The following KCTD1 variants were observed in gnomAD, a reference collection of about 807,000 sequenced individuals.
KCTD1 encodes BTB/POZ domain-containing protein KCTD1.
KCTD1 carries 24 observed loss-of-function variants against 66.0 expected under a neutral mutation model. The ratio of observed to expected loss-of-function variants is 0.36; its 90% CI spans 0.26 to 0.51. The LOEUF (loss-of-function observed/expected upper bound fraction) is 0.51. Ranked by LOEUF, KCTD1 falls within the 20% of genes least tolerant of loss-of-function variation. The pLI is 0.95. For missense variants in KCTD1, 943 were observed against 1,205.2 expected, an observed-to-expected ratio of 0.78 and a Z score of 3.22; for synonymous variants, 511 against 517.2, an observed-to-expected ratio of 0.99 and a Z score of 0.16.
At chr18:26,493,010 A>G (rs565216803) in intron 2 of KCTD1, among the ~76,000 whole-genome samples, 1 of 152,162 alleles carries the variant, frequency 6.6e-6, no homozygotes, top group Non-Finnish European at 1.5e-5. Context: ...TTACCCAATC[A>G]TTAATTTATA....
intron 1 of KCTD1, among the ~76,000 whole-genome samples, chr18:26,626,164 A>ACC (rs1235256736): frequency 9.1e-5 from 13 of 143,522 alleles, no homozygotes; most frequent in South Asian, 8.7e-4. Context: ...CAAAAAAAAA[A>ACC]ACAAAAAAAA....
chr18:26,540,138 A>G (rs1170056311), intron 1 of KCTD1, among the ~76,000 whole-genome samples: 2 of 152,192 alleles, frequency 1.3e-5, no homozygotes, highest in Non-Finnish European at 2.9e-5. Flanking sequence ...AACTGGGTTA[A>G]ACCGGACTAG....
intron 1 of KCTD1, chr18:26,566,652 A>G (rs758065656): frequency 9.2e-5 from 14 of 152,152 alleles, no homozygotes; most frequent in African/African-American, 3.4e-4. Context: ...GAGCATCTGC[A>G]TGAACATTCT....
chr18:26,485,872 G>T (rs913642652), intron 2 of KCTD1, among the ~76,000 whole-genome samples: 1 of 151,622 alleles, frequency 6.6e-6, no homozygotes, highest in African/African-American at 2.4e-5. Flanking sequence ...TGTTAAAATA[G>T]CTAACATGTA....
chr18:26,657,341 C>T (rs1249343974), intron 1 of KCTD1: 6 of 985,290 alleles, frequency 6.1e-6, no homozygotes, highest in Non-Finnish European at 7.2e-6. Context: ...AATAACAAAC[C>T]CAAACCGTCA....
Position 26,570,191 on chromosome 18 carries a change from A to ATATATATAT in KCTD1, c.-16+58955_-16+58956insATATATATA, listed in dbSNP as rs1555643816. 2.6e-3 allele frequency among the ~76,000 whole-genome samples: 347 copies of ATATATATAT among 132,530 alleles called. 3 individuals are homozygous for ATATATATAT. Among genetic ancestry groups the ATATATATAT allele is most frequent in the East Asian group, 0.012 (48 of 4,100 alleles). 86.9% of individuals were successfully genotyped at this position (132,530 alleles called of 152,430 possible). A position where few individuals can be genotyped will look rare whatever the true frequency, so the allele number is the denominator to read the frequency against. On this transcript the variant is annotated intron_variant, in intron 1 of 4. Transcript: ENST00000317932. ...ACAGAGCAAGACTCCATCTAAAAAA[A>ATATATATAT]ATATATATATATATATATATATATG...
In KCTD1 at chr18:26,575,902, T is replaced by A. The variant is rs1315023369; in HGVS notation, c.-16+53245A>T. Among the ~76,000 whole-genome samples the A allele has an allele frequency of 2.0e-5, 3 of 152,208 alleles. No homozygotes were observed. In the East Asian group the frequency reaches 5.8e-4, roughly 29 times the overall value. ...GCTTTAAGTGTCAGCTACGACGATATTCGGTGTTATTTTGCTATTAGCATG... is the reference window on the plus strand; with the variant it reads ...GCTTTAAGTGTCAGCTACGACGATAATCGGTGTTATTTTGCTATTAGCATG... On this transcript the variant is annotated intron_variant, in intron 1 of 4. Coordinates refer to the KCTD1 transcript ENST00000317932.
At chr18:26,494,035 T>C (rs1982342867) in intron 2 of KCTD1, among the ~76,000 whole-genome samples, 1 of 152,208 alleles carries the variant, frequency 6.6e-6, no homozygotes, top group East Asian at 1.9e-4. Flanking sequence ...TAACTATTTA[T>C]GCATTGGCAG....
In KCTD1 at chr18:26,600,128, A is replaced by T. The variant is rs1362744564; in HGVS notation, c.-16+29019T>A. 10 of 1,609,796 alleles carry T rather than the reference A, an allele frequency of 6.2e-6. No individual in the cohort carries two copies. In the Admixed American group the frequency reaches 1.2e-4, roughly 19 times the overall value. On this transcript the variant is annotated intron_variant, in intron 1 of 4. Transcript: ENST00000317932. ...GCTGCTTCTTGTGGGGAAGGGAAAA[A>T]GAGGAAGGCCTGTAAGAACTGCACC...
chr18:26,507,464 G>C (rs1206318434), intron 1 of KCTD1, among the ~76,000 whole-genome samples: 1 of 152,126 alleles, frequency 6.6e-6, no homozygotes, highest in Non-Finnish European at 1.5e-5. Context: ...TGAGCTCCTG[G>C]GGTCAAGCGA....
At chr18:26,512,199 G>A (rs1435527502) in intron 1 of KCTD1, among the ~76,000 whole-genome samples, 1 of 151,970 alleles carries the variant, frequency 6.6e-6, no homozygotes, top group African/African-American at 2.4e-5. Context: ...TGCCTCCTGG[G>A]TTCAAGCAAT....
At chr18:26,652,652 T>C (rs1988058160) in intron 1 of KCTD1, among the ~76,000 whole-genome samples, 1 of 152,170 alleles carries the variant, frequency 6.6e-6, no homozygotes. Flanking sequence ...AGGAAAAGCA[T>C]TTTGGATAAC....
At chr18:26,537,820 T>C (rs1223239561) in intron 1 of KCTD1, among the ~76,000 whole-genome samples, 1 of 152,244 alleles carries the variant, frequency 6.6e-6, no homozygotes, top group Non-Finnish European at 1.5e-5. Context: ...AAATAAAATT[T>C]AATCTCTTTT....
chr18:26,518,303 AT>A lies in KCTD1; in HGVS notation c.1810-17054del, dbSNP rs879416574. On this transcript the variant is annotated intron_variant, in intron 1 of 4. Coordinates refer to ENST00000580059, the MANE Select transcript of KCTD1 (RefSeq NM_001142730.3). ...CTAATTTGAAAAATGCAAAGCTATAATTTTTTTTTTTTTGAGACAGAGTCTC... is the reference window on the plus strand; with the variant it reads ...CTAATTTGAAAAATGCAAAGCTATAATTTTTTTTTTTTGAGACAGAGTCTC... 5.3e-3 allele frequency among the ~76,000 whole-genome samples: 781 copies of A among 147,250 alleles called. 3 individuals carry two copies. Among genetic ancestry groups the A allele is most frequent in the Admixed American group, 9.7e-3 (143 of 14,764 alleles).
At chr18:26,528,443 G>A (rs2144767794) in intron 1 of KCTD1, among the ~76,000 whole-genome samples, 1 of 152,274 alleles carries the variant, frequency 6.6e-6, no homozygotes, top group South Asian at 2.1e-4. Flanking sequence ...TCAGGATCCT[G>A]CCATGCCTAT....
intron 1 of KCTD1, among the ~76,000 whole-genome samples, chr18:26,570,291 G>C (rs78480691): frequency 0.022 from 3,264 of 151,470 alleles, 89 homozygotes; most frequent in African/African-American, 0.064. Context: ...TTGGAAAAAG[G>C]CTTCTCATTG....
At chr18:26,469,730 T>C (rs896522407) in intron 3 of KCTD1, among the ~76,000 whole-genome samples, 1 of 152,210 alleles carries the variant, frequency 6.6e-6, no homozygotes, top group Non-Finnish European at 1.5e-5. Context: ...CCTATTCATA[T>C]TTAGATTGTG....
In KCTD1 at chr18:26,573,027, C is replaced by G. The variant is rs1005626505; in HGVS notation, c.-16+56120G>C. Among the ~76,000 whole-genome samples the G allele has an allele frequency of 2.0e-4, 31 of 151,920 alleles. 1 individual carries two copies. Among genetic ancestry groups the G allele is most frequent in the Middle Eastern group, 3.4e-3 (1 of 292 alleles). ...CCTACAGACTCAATAACCACCCCCC[C>G]CTTTTTTTTTTTGAGACAGAGTCTC... On this transcript the variant is annotated intron_variant, in intron 1 of 4. Transcript: ENST00000317932.
chr18:26,596,326 T>TA (rs906841354), intron 1 of KCTD1, among the ~76,000 whole-genome samples: 1 of 151,886 alleles, frequency 6.6e-6, no homozygotes, highest in Admixed American at 6.6e-5. Flanking sequence ...GAACACACAG[T>TA]AAAAAAAGGT....
Sources: gnomAD v4.1 joint callset for allele counts (sites outside exome capture counted in the v4.1 genomes callset) on GRCh38, gnomAD v4.1.1 for gene constraint, MANE v1.5 for transcripts, NCBI Gene and HGNC (gene_info 2026-07-23, HGNC 2026-07-21) for gene names.